The following FAM210A variants were observed in gnomAD, a reference collection of about 807,000 sequenced individuals.
The protein encoded by FAM210A is mitochondrial inner membrane scaffold 1.
Under a neutral mutation model 25.3 loss-of-function variants are expected in FAM210A, and 13 were observed. The ratio of observed to expected loss-of-function variants is 0.51; its 90% CI spans 0.33 to 0.82. The LOEUF (loss-of-function observed/expected upper bound fraction) is 0.82, where lower values mean the gene tolerates loss of function less well. Among genes scored for constraint, FAM210A ranks in the 40% least tolerant of loss-of-function variants. The pLI is 0.02. For missense variants in FAM210A, 319 were observed against 323.2 expected (o/e 0.99, Z 0.10); for synonymous variants, 125 against 118.7 (o/e 1.05, Z -0.35).
chr18:13,723,485 G>A (rs1442835565), intron 1 of FAM210A, among the ~76,000 whole-genome samples: 1 of 151,958 alleles, frequency 6.6e-6, no homozygotes, highest in Non-Finnish European at 1.5e-5. Flanking sequence ...AAATGTGTAG[G>A]GTAGATCTAC....
intron 1 of FAM210A, among the ~76,000 whole-genome samples, chr18:13,685,138 GAA>G (rs1193603206): frequency 2.6e-5 from 4 of 152,128 alleles, no homozygotes; most frequent in Non-Finnish European, 5.9e-5. Flanking sequence ...TGCAAACCAT[GAA>G]ATTCCATCAG....
chr18:13,687,104 T>C (rs2043604622), intron 1 of FAM210A, among the ~76,000 whole-genome samples: 1 of 152,216 alleles, frequency 6.6e-6, no homozygotes, highest in African/African-American at 2.4e-5. Flanking sequence ...AAGGTATATC[T>C]AAGAATCAAC....
intron 2 of FAM210A, among the ~76,000 whole-genome samples, chr18:13,677,846 T>A (rs75720758): frequency 1.3e-5 from 2 of 152,240 alleles, no homozygotes; most frequent in East Asian, 3.9e-4. Context: ...AAACTCTTAA[T>A]TTTTAATATT....
chr18:13,698,760 C>T (rs546868639), intron 1 of FAM210A, among the ~76,000 whole-genome samples: 6 of 152,114 alleles, frequency 3.9e-5, no homozygotes, highest in South Asian at 4.1e-4. Flanking sequence ...TTGGCCAAAC[C>T]GCCAGACCAC....
intron 1 of FAM210A, among the ~76,000 whole-genome samples, chr18:13,722,070 T>C (rs1318966594): frequency 6.6e-6 from 1 of 152,036 alleles, no homozygotes; most frequent in Non-Finnish European, 1.5e-5. Flanking sequence ...GACTCTTTCT[T>C]TGGTAATTAA....
chr18:13,704,438 A>G (rs1240547405), intron 1 of FAM210A, among the ~76,000 whole-genome samples: 1 of 152,138 alleles, frequency 6.6e-6, no homozygotes, highest in Non-Finnish European at 1.5e-5. Flanking sequence ...GAACTGATCT[A>G]CTCTTTCACA....
At chr18:13,699,939 A>G (rs1392937900) in intron 1 of FAM210A, among the ~76,000 whole-genome samples, 1 of 152,188 alleles carries the variant, frequency 6.6e-6, no homozygotes, top group East Asian at 1.9e-4. Context: ...TATGGGTAAA[A>G]AAACTCTTTT....
At position 13,681,690 on chromosome 18, in the gene FAM210A, A is replaced by C; in HGVS notation, c.388T>G (p.Phe130Val). ...ISLYQRFKKTFRQYGKVLIPV... is the reference protein window; with the variant it reads ...ISLYQRFKKTVRQYGKVLIPV... ...ATCAGAACTTTTCCATACTGTCTAA[A>C]TGTCTTCTTGAATCGTTGATAAAGA... is the stretch of plus-strand genomic sequence containing the variant. The change falls in exon 2 of 4, where the codon TTT becomes GTT. Residue 130 changes from phenylalanine (F) to valine (V), a missense_variant. By Grantham distance (50) the Phe-to-Val change is conservative. Transcript: ENST00000651643. The C allele has an allele frequency of 1.2e-6, 2 of 1,614,230 alleles. No homozygotes were observed. The highest frequency in any genetic ancestry group is 1.7e-6 in the Non-Finnish European group (2 of 1,180,048).
At chr18:13,697,202 G>A (rs1051663016) in intron 1 of FAM210A, among the ~76,000 whole-genome samples, 3 of 152,034 alleles carry the variant, frequency 2.0e-5, no homozygotes, top group Admixed American at 6.6e-5. Flanking sequence ...GTTAAGCAAC[G>A]TGTGACTGTA....
At chr18:13,688,640 T>A (rs2043617405) in intron 1 of FAM210A, among the ~76,000 whole-genome samples, 1 of 152,262 alleles carries the variant, frequency 6.6e-6, no homozygotes, top group African/African-American at 2.4e-5. Context: ...CCAAAAAGGT[T>A]GTCACTCTGG....
In FAM210A at chr18:13,682,227, C is replaced by CA. The variant is rs1280624815; in HGVS notation, c.-28-123dup. The CA allele has an allele frequency of 4.5e-6, 3 of 670,888 alleles. No individual in the cohort carries two copies. The East Asian group carries it at 8.3e-5, about 19-fold the overall frequency. The allele number at this position is 670,888 out of a possible 1,614,324, so 41.6% of individuals were successfully genotyped here. A position where few individuals can be genotyped will look rare whatever the true frequency, so the allele number is the denominator to read the frequency against. ...AAGACAGACACTGCTACATAATCCA[C>CA]AAAAACTGATGTTAGGGTATAGAGT... On this transcript the variant is annotated intron_variant, in intron 1 of 3. Coordinates refer to ENST00000651643, the MANE Select transcript of FAM210A (RefSeq NM_152352.4).
intron 1 of FAM210A, among the ~76,000 whole-genome samples, chr18:13,694,119 T>C (rs986402650): frequency 2.0e-5 from 3 of 152,214 alleles, no homozygotes; most frequent in African/African-American, 7.2e-5. Context: ...TGAACTTCCA[T>C]TCACAATTGC....
At chr18:13,666,804 A>G (rs2043405101) in intron 3 of FAM210A, 91 bp from the exon 4 acceptor site, 4 of 1,141,316 alleles carry the variant, frequency 3.5e-6, no homozygotes, top group Non-Finnish European at 5.0e-6. Flanking sequence ...TCTTGGTAAT[A>G]ACCCATCAGA....
chr18:13,724,037 A>C (rs1050590514), intron 1 of FAM210A, among the ~76,000 whole-genome samples: 3 of 152,116 alleles, frequency 2.0e-5, no homozygotes, highest in African/African-American at 4.8e-5. Context: ...TCAACTCTAC[A>C]ACAGAAATCA....
intron 1 of FAM210A, among the ~76,000 whole-genome samples, chr18:13,692,012 C>G (rs2043648837): frequency 6.9e-6 from 1 of 145,646 alleles, no homozygotes; most frequent in Non-Finnish European, 1.5e-5. Context: ...AGACCCATCT[C>G]ACATGCAGAG....
chr18:13,725,937 T>C (rs1385709494), intron 1 of FAM210A, among the ~76,000 whole-genome samples: 1 of 152,158 alleles, frequency 6.6e-6, no homozygotes, highest in Non-Finnish European at 1.5e-5. Flanking sequence ...TAAGGACCAG[T>C]CTGCCAGTCC....
At chr18:13,714,173 T>C (rs1193523859) in intron 1 of FAM210A, among the ~76,000 whole-genome samples, 9 of 152,228 alleles carry the variant, frequency 5.9e-5, no homozygotes, top group African/African-American at 2.2e-4. Flanking sequence ...TGTCTTTAAG[T>C]AGTTTACAAT....
intron 1 of FAM210A, among the ~76,000 whole-genome samples, chr18:13,708,278 T>A (rs2043795355): frequency 7.2e-5 from 11 of 152,138 alleles, no homozygotes. Flanking sequence ...GAGGGTAAGG[T>A]ATTAGGGGGG....
intron 1 of FAM210A, chr18:13,710,412 G>C (rs759324829): frequency 6.6e-5 from 10 of 152,310 alleles, no homozygotes; most frequent in Non-Finnish European, 1.3e-4. Flanking sequence ...TTGAACTCCT[G>C]AGCTCAGGTG....
Sources: allele counts gnomAD v4.1 joint callset (sites outside exome capture counted in the v4.1 genomes callset), GRCh38; gene constraint gnomAD v4.1.1; transcripts MANE v1.5; gene names NCBI Gene and HGNC (gene_info 2026-07-23, HGNC 2026-07-21).